OR51E2: variants seen among roughly 807,000 people sequenced by gnomAD.
OR51E2 encodes olfactory receptor 51E2.
In OR51E2, 14 loss-of-function variants were observed where a neutral mutation model predicts 13.7. That is an observed-to-expected ratio of 1.02 (90% CI 0.68 to 1.60). The LOEUF is 1.60. Among genes scored for constraint, OR51E2 ranks in the 40% most tolerant of loss-of-function variants. The pLI, the probability that OR51E2 is intolerant of heterozygous loss-of-function variation, is 0.00. For missense variants in OR51E2, 483 were observed against 413.8 expected (o/e 1.17, Z -1.45); for synonymous variants, 180 against 157.6 (o/e 1.14, Z -1.07).
At chr11:4,692,852 GA>G (rs531007820) in intron 1 of OR51E2, among the ~76,000 whole-genome samples, 23 of 136,666 alleles carry the variant, frequency 1.7e-4, no homozygotes, top group Admixed American at 9.5e-4. Context: ...AAGTCTTAGT[GA>G]AAAAAAAAGG....
At chr11:4,683,762 C>T (rs1289815555) in intron 1 of OR51E2, among the ~76,000 whole-genome samples, 1 of 152,180 alleles carries the variant, frequency 6.6e-6, no homozygotes, top group Non-Finnish European at 1.5e-5. Flanking sequence ...TTGCTTTGCC[C>T]CAACTCCCTA....
At chr11:4,690,809 G>A (rs1261388014) in intron 1 of OR51E2, 2 of 437,070 alleles carry the variant, frequency 4.6e-6, no homozygotes, top group East Asian at 7.0e-5. Context: ...GTATCTGTTT[G>A]GTTTTCACAC....
chr11:4,693,264 T>C (rs572167702), intron 1 of OR51E2, among the ~76,000 whole-genome samples: 3 of 152,330 alleles, frequency 2.0e-5, no homozygotes, highest in African/African-American at 7.2e-5. Context: ...TAAAATGATT[T>C]TGAAAAACCA....
intron 1 of OR51E2, among the ~76,000 whole-genome samples, chr11:4,696,438 T>C (rs1244265711): frequency 6.6e-6 from 1 of 152,172 alleles, no homozygotes; most frequent in Non-Finnish European, 1.5e-5. Flanking sequence ...TTTAACTGAT[T>C]CTACTCCTGA....
In OR51E2 at chr11:4,684,253, A is replaced by G. The variant is rs117593757; in HGVS notation, c.-50-1492T>C. Reference sequence around the variant, plus strand: ...AAAACAGCTAAGCTCCTTGACAAATATTAAATCCCATATTTGGCTCCCAGT... The same window carrying G: ...AAAACAGCTAAGCTCCTTGACAAATGTTAAATCCCATATTTGGCTCCCAGT... On this transcript the variant is annotated intron_variant, in intron 1 of 1. Transcript: ENST00000396950. 6.8e-4 allele frequency among the ~76,000 whole-genome samples: 104 copies of G among 152,320 alleles called. No individual in the cohort carries two copies. The East Asian group carries it at 0.018, about 27-fold the overall frequency.
At chr11:4,688,436 A>G (rs1179914930) in intron 1 of OR51E2, among the ~76,000 whole-genome samples, 1 of 152,194 alleles carries the variant, frequency 6.6e-6, no homozygotes, top group Non-Finnish European at 1.5e-5. Context: ...TTTGGAAGCT[A>G]GTGTGGGTGA....
intron 1 of OR51E2, among the ~76,000 whole-genome samples, chr11:4,692,443 G>A (rs753827877): frequency 1.3e-5 from 2 of 152,220 alleles, no homozygotes; most frequent in Non-Finnish European, 2.9e-5. Flanking sequence ...TCTGCTGGAA[G>A]ACTAGTTCTC....
chr11:4,694,509 CAT>C lies in OR51E2; in HGVS notation c.-51+3142_-51+3143del, dbSNP rs1345680785. ...ACGTGTATATATATATATACACACA[CAT>C]ATATATATATACACACACACATATA... On this transcript the variant is annotated intron_variant, in intron 1 of 1. Coordinates refer to ENST00000396950, the MANE Select transcript of OR51E2 (RefSeq NM_030774.4). 1.8e-3 allele frequency among the ~76,000 whole-genome samples: 227 copies of C among 124,562 alleles called. 2 individuals carry two copies. The highest frequency in any genetic ancestry group is 5.2e-3 in the African/African-American group (189 of 36,070). 81.7% of individuals were successfully genotyped at this position (124,562 alleles called of 152,430 possible).
At chr11:4,686,350 G>A (rs1847515689) in intron 1 of OR51E2, among the ~76,000 whole-genome samples, 1 of 152,208 alleles carries the variant, frequency 6.6e-6, no homozygotes, top group African/African-American at 2.4e-5. Flanking sequence ...ACGAAGAGTT[G>A]TAGCTTGGCT....
chr11:4,689,758 T>C (rs1020188177), intron 1 of OR51E2, among the ~76,000 whole-genome samples: 3 of 152,068 alleles, frequency 2.0e-5, no homozygotes, highest in Non-Finnish European at 2.9e-5. Flanking sequence ...AGAATGTTGA[T>C]GGAGGGTTGA....
chr11:4,691,501 G>A (rs779885947), intron 1 of OR51E2: 1 of 456,320 alleles, frequency 2.2e-6, no homozygotes. Flanking sequence ...GTGGCGGACA[G>A]CATGGAGAGG....
At chr11:4,690,211 C>T (rs964285406) in intron 1 of OR51E2, among the ~76,000 whole-genome samples, 3 of 151,960 alleles carry the variant, frequency 2.0e-5, no homozygotes, top group East Asian at 1.9e-4. Context: ...AGCTACTTAA[C>T]ATTTCATGCC....
chr11:4,692,251 A>C, intron 1 of OR51E2: 1 of 378,276 alleles, frequency 2.6e-6, no homozygotes, highest in East Asian at 7.5e-5. Flanking sequence ...AGTAACACAT[A>C]GGAAGTGACA....
intron 1 of OR51E2, among the ~76,000 whole-genome samples, chr11:4,691,989 C>T (rs1280410954): frequency 6.6e-6 from 1 of 152,168 alleles, no homozygotes; most frequent in Non-Finnish European, 1.5e-5. Flanking sequence ...TCTGATCGTT[C>T]TAGCCATAGA....
At chr11:4,692,764 G>C (rs1295314652) in intron 1 of OR51E2, among the ~76,000 whole-genome samples, 1 of 151,242 alleles carries the variant, frequency 6.6e-6, no homozygotes, top group Non-Finnish European at 1.5e-5. Context: ...TGACAAAAGA[G>C]AGGATGGAGA....
At chr11:4,691,051 G>C (rs567428723) in intron 1 of OR51E2, 1 of 456,734 alleles carries the variant, frequency 2.2e-6, no homozygotes, top group South Asian at 1.5e-5. Flanking sequence ...ACATAAGAAA[G>C]GAGGATGAGA....
rs1290900179 is a variant in OR51E2 at position 4,682,180 on chromosome 11, A to T, written c.532T>A (p.Cys178Ser). ...CHSNVLSHSY[C>S]VHQDVMKLAY... Reference sequence around the variant, plus strand: ...AACTTCATTACATCCTGGTGGACACAATAGGAGTGCGAGAGGACATTGGAG... The same window carrying T: ...AACTTCATTACATCCTGGTGGACACTATAGGAGTGCGAGAGGACATTGGAG... Residue 178 changes from cysteine to serine, a missense_variant, in exon 2 of 2, where the codon TGT (cysteine) becomes AGT (serine). Cys to Ser is a moderately radical substitution (Grantham distance 112). Coordinates refer to ENST00000396950, the MANE Select transcript of OR51E2 (RefSeq NM_030774.4). 1 of 1,614,118 alleles carries T rather than the reference A, an allele frequency of 6.2e-7. No homozygotes were observed. Among genetic ancestry groups the T allele is most frequent in the African/African-American group, 1.3e-5 (1 of 74,940 alleles).
chr11:4,687,335 T>G lies in OR51E2; in HGVS notation c.-50-4574A>C, dbSNP rs980773719. Among the ~76,000 whole-genome samples, 15 of 152,274 alleles carry G rather than the reference T, an allele frequency of 9.9e-5. 1 individual carries two copies. The highest frequency in any genetic ancestry group is 3.6e-4 in the African/African-American group (15 of 41,566). On this transcript the variant is annotated intron_variant, in intron 1 of 1. Transcript: ENST00000396950. ...CACCTCTTTAAAGTGGCCTCCTAAT[T>G]TTTACTCTTACCTACATTCATTCAC...
intron 1 of OR51E2, among the ~76,000 whole-genome samples, chr11:4,692,408 C>T (rs990504247): frequency 3.9e-5 from 6 of 152,334 alleles, no homozygotes; most frequent in East Asian, 3.9e-4. Context: ...TGTGCTGCCA[C>T]GTTCCAACAC....
Sources: allele counts gnomAD v4.1 joint callset (sites outside exome capture counted in the v4.1 genomes callset), GRCh38; gene constraint gnomAD v4.1.1; transcripts MANE v1.5; gene names NCBI Gene and HGNC (gene_info 2026-07-23, HGNC 2026-07-21).